Variants in FBLN1 observed in about 807,000 individuals in gnomAD.
FBLN1 encodes fibulin 1.
In FBLN1, 34 loss-of-function variants were observed where a neutral mutation model predicts 89.7. The ratio of observed to expected loss-of-function variants is 0.38; its 90% CI spans 0.29 to 0.50. The LOEUF (loss-of-function observed/expected upper bound fraction) is 0.50. Ranked by LOEUF, FBLN1 falls within the 20% of genes least tolerant of loss-of-function variation. The pLI is 0.92. For missense variants in FBLN1, 777 were observed against 988.1 expected (o/e 0.79, Z 2.86); for synonymous variants, 393 against 391.3 (o/e 1.00, Z -0.05).
At chr22:45,544,533 G>T (rs1039516962) in intron 11 of FBLN1, among the ~76,000 whole-genome samples, 5 of 152,242 alleles carry the variant, frequency 3.3e-5, no homozygotes, top group African/African-American at 1.2e-4. Flanking sequence ...AAGGGACAGA[G>T]AAACCGTTTA....
intron 1 of FBLN1, among the ~76,000 whole-genome samples, chr22:45,507,799 A>G (rs772014574): frequency 6.6e-6 from 1 of 152,198 alleles, no homozygotes; most frequent in Non-Finnish European, 1.5e-5. Context: ...AAGTGTTGGG[A>G]TTACAGGCGT....
At chr22:45,523,202 A>G (rs1203194388) in intron 2 of FBLN1, 1 of 776,720 alleles carries the variant, frequency 1.3e-6, no homozygotes, top group Non-Finnish European at 2.4e-6. Flanking sequence ...CCCAGAGGAG[A>G]GGGTGTGTAC....
In FBLN1 at chr22:45,532,585, A is replaced by G. The variant is rs1250189720; in HGVS notation, c.545-478A>G. ...GTTGTGGGGTGCTTCTGGGCTATGC[A>G]GAAAGACCAGGTAGGAGGCTGTGGC... On this transcript the variant is annotated intron_variant, in intron 5 of 16. Coordinates refer to ENST00000327858, the MANE Select transcript of FBLN1 (RefSeq NM_006486.3). This position sits in a 1 kb window ranked among gnomAD's most constrained non-coding sequence, Gnocchi z 4.2. 5.3e-5 allele frequency among the ~76,000 whole-genome samples: 8 copies of G among 152,146 alleles called. No homozygotes were observed.
chr22:45,548,393 G>C (rs1272634470), intron 12 of FBLN1, among the ~76,000 whole-genome samples: 1 of 152,124 alleles, frequency 6.6e-6, no homozygotes, highest in Admixed American at 6.5e-5. Flanking sequence ...ATTTCCCCCT[G>C]CCCGCCACAT....
chr22:45,545,412 G>A lies in FBLN1; in HGVS notation c.1322-1673G>A, dbSNP rs879665763. Among the ~76,000 whole-genome samples, 8 of 152,206 alleles carry A rather than the reference G, an allele frequency of 5.3e-5. No homozygotes were observed. Among genetic ancestry groups the A allele is most frequent in the African/African-American group, 1.9e-4 (8 of 41,450 alleles). On this transcript the variant is annotated intron_variant, in intron 11 of 16. Coordinates refer to ENST00000327858, the MANE Select transcript of FBLN1 (RefSeq NM_006486.3). The surrounding 1 kb of genome is among the most constrained non-coding windows in gnomAD (Gnocchi z 5.9). ...GCCAAGCACAGGATGAAGAGCTGGC[G>A]GTGTGGAGGCTGCTGGCTTTATTAT...
At position 45,590,989 on chromosome 22, in the gene FBLN1, C is replaced by T. The variant is rs1162115065; in HGVS notation, c.1973-9318C>T. Among the ~76,000 whole-genome samples the T allele has an allele frequency of 2.6e-5, 4 of 152,102 alleles. No individual in the cohort carries two copies. The highest frequency in any genetic ancestry group is 5.9e-5 in the Non-Finnish European group (4 of 68,016). The stretch of plus-strand genomic sequence containing the variant: ...AGGTGGGTGGAGGCTGAGGTCGGCT[C>T]AGGAGACACACGGAGGGAGGGGACA... On this transcript the variant is annotated intron_variant, in intron 16 of 16. Transcript: ENST00000327858. The surrounding 1 kb of genome is among the most constrained non-coding windows in gnomAD (Gnocchi z 4.1).
intron 9 of FBLN1, 133 bp downstream of exon 9, chr22:45,541,505 T>A: frequency 9.1e-7 from 1 of 1,104,414 alleles, no homozygotes; most frequent in Admixed American, 2.0e-5. Flanking sequence ...CCACTGTCAG[T>A]TCCCAAGCAT....
intron 8 of FBLN1, among the ~76,000 whole-genome samples, chr22:45,540,161 G>T (rs144319712): frequency 3.9e-5 from 6 of 152,320 alleles, no homozygotes; most frequent in Non-Finnish European, 8.8e-5. Context: ...AAGGGAGCTG[G>T]AAAGCAGGAG....
At chr22:45,514,236 G>A (rs1460448959) in intron 1 of FBLN1, among the ~76,000 whole-genome samples, 3 of 152,194 alleles carry the variant, frequency 2.0e-5, no homozygotes, top group African/African-American at 7.2e-5. Flanking sequence ...CTTGTAAAGA[G>A]GTCGGTGCCC....
intron 1 of FBLN1, among the ~76,000 whole-genome samples, chr22:45,511,452 C>CT (rs760422823): frequency 0.18 from 23,371 of 130,568 alleles, 2,332 homozygotes; most frequent in Middle Eastern, 0.29. Context: ...CCATGCCTGG[C>CT]TTTTTTTTTT....
intron 2 of FBLN1, among the ~76,000 whole-genome samples, chr22:45,522,025 G>A (rs1360356582): frequency 1.3e-5 from 2 of 151,428 alleles, no homozygotes; most frequent in Non-Finnish European, 2.9e-5. Context: ...TGGCCCTGTC[G>A]CCCAGGCTGG....
intron 4 of FBLN1, among the ~76,000 whole-genome samples, chr22:45,528,322 A>C (rs1446232339): frequency 6.6e-6 from 1 of 151,272 alleles, no homozygotes; most frequent in Admixed American, 6.6e-5. Context: ...TTTTCTCAGC[A>C]TCAACAGACT....
At chr22:45,510,931 C>T (rs535829324) in intron 1 of FBLN1, among the ~76,000 whole-genome samples, 4 of 152,184 alleles carry the variant, frequency 2.6e-5, no homozygotes, top group Non-Finnish European at 4.4e-5. Flanking sequence ...CCAGTTACTC[C>T]GGCAGGCATG....
At chr22:45,591,543 A>G (rs920950524) in intron 16 of FBLN1, among the ~76,000 whole-genome samples, 3 of 152,128 alleles carry the variant, frequency 2.0e-5, no homozygotes, top group African/African-American at 7.2e-5. Context: ...AATACGGATG[A>G]TGAGTTTTGC....
rs1481966391 is a variant in FBLN1 at position 45,597,051 on chromosome 22, G to C, written c.1973-3256G>C. ...GGATCTTGCTCTGTCACCCAGGCTA[G>C]AATGCAGTGGCACAATCTTGGCTCA... is the stretch of plus-strand genomic sequence containing the variant. On this transcript the variant is annotated intron_variant, in intron 16 of 16. Transcript: ENST00000327858. This position sits in a 1 kb window ranked among gnomAD's most constrained non-coding sequence, Gnocchi z 4.2. 6.6e-6 allele frequency among the ~76,000 whole-genome samples: 1 copy of C among 151,772 alleles called. No homozygotes were observed. Among genetic ancestry groups the C allele is most frequent in the Admixed American group, 6.6e-5 (1 of 15,228 alleles).
At chr22:45,543,612 A>G in intron 11 of FBLN1, 86 bp downstream of exon 11, 1 of 1,500,716 alleles carries the variant, frequency 6.7e-7, no homozygotes, top group Non-Finnish European at 9.1e-7. Flanking sequence ...TTTGCAGCAG[A>G]TCCGCGATGG....
At chr22:45,517,482 A>G (rs549714470) in intron 1 of FBLN1, 2 of 462,782 alleles carry the variant, frequency 4.3e-6, no homozygotes, top group Non-Finnish European at 8.9e-6. Context: ...GGCATGGGGC[A>G]CAAGGGCCTG....
In FBLN1 at chr22:45,512,051, C is replaced by T. The variant is rs28690009; in HGVS notation, c.80-6631C>T. ...AGGTCCCCTGAGGCCCTGCTTCTCT[C>T]TTGATCCCCCACAGCCCAGTGTCGA... On this transcript the variant is annotated intron_variant, in intron 1 of 16. Coordinates refer to ENST00000327858, the MANE Select transcript of FBLN1 (RefSeq NM_006486.3). 2.6e-5 allele frequency among the ~76,000 whole-genome samples: 4 copies of T among 152,018 alleles called. No individual in the cohort carries two copies. The East Asian group carries it at 7.7e-4, about 29-fold the overall frequency.
rs1483925194 is a variant in FBLN1, at chr22:45,597,886, A to C, written c.1973-2421A>C. Among the ~76,000 whole-genome samples, 1 of 152,126 alleles carries C rather than the reference A, an allele frequency of 6.6e-6. No homozygotes were observed. The highest frequency in any genetic ancestry group is 2.4e-5 in the African/African-American group (1 of 41,424). ...TCACTTTTGAAACATAAGCCCAGAG[A>C]GCGAAAGGGGGGAACGTTGTGCCCA... On this transcript the variant is annotated intron_variant, in intron 16 of 16. Transcript: ENST00000327858. The surrounding 1 kb of genome is among the most constrained non-coding windows in gnomAD (Gnocchi z 4.2).
Sources: gnomAD v4.1 joint callset for allele counts (sites outside exome capture counted in the v4.1 genomes callset) on GRCh38, gnomAD v4.1.1 for gene constraint, Gnocchi (gnomAD v3.1) non-coding constraint, MANE v1.5 for transcripts, NCBI Gene and HGNC (gene_info 2026-07-23, HGNC 2026-07-21) for gene names.